Variants in IMMP2L observed in about 807,000 individuals in gnomAD.
IMMP2L encodes the protein mitochondrial inner membrane protease subunit 2.
Under a neutral mutation model 19.3 loss-of-function variants are expected in IMMP2L, and 18 were observed. The ratio of observed to expected loss-of-function variants is 0.93; its 90% CI spans 0.64 to 1.38. The LOEUF (loss-of-function observed/expected upper bound fraction) is 1.38, where lower values mean the gene tolerates loss of function less well. Among genes scored for constraint, IMMP2L ranks in the 40% most tolerant of loss-of-function variants. The pLI, the probability that IMMP2L is intolerant of heterozygous loss-of-function variation, is 0.00. For missense variants in IMMP2L, 233 were observed against 218.2 expected (o/e 1.07, Z -0.43); for synonymous variants, 76 against 73.0 (o/e 1.04, Z -0.21).
intron 5 of IMMP2L, among the ~76,000 whole-genome samples, chr7:110,744,258 T>C (rs1172348058): frequency 6.6e-6 from 1 of 152,164 alleles, no homozygotes; most frequent in Non-Finnish European, 1.5e-5. Context: ...CAGGGACTTA[T>C]AGATATAACC....
chr7:111,337,299 T>G (rs1386099394), intron 3 of IMMP2L, among the ~76,000 whole-genome samples: 1 of 152,154 alleles, frequency 6.6e-6, no homozygotes, highest in Non-Finnish European at 1.5e-5. Context: ...TCTTTTAAAG[T>G]TATTTGAAGA....
intron 3 of IMMP2L, among the ~76,000 whole-genome samples, chr7:111,298,749 ACT>A (rs1304920360): frequency 3.0e-5 from 4 of 134,268 alleles, no homozygotes. Flanking sequence ...ACAGAGCGAG[ACT>A]CTGCCTCAAA....
intron 4 of IMMP2L, among the ~76,000 whole-genome samples, chr7:110,918,122 T>A (rs1308208349): frequency 6.6e-6 from 1 of 152,188 alleles, no homozygotes; most frequent in Non-Finnish European, 1.5e-5. Context: ...GGAATTTCTT[T>A]CCTTTCCTAT....
At chr7:111,114,262 G>A (rs1799579392) in intron 3 of IMMP2L, among the ~76,000 whole-genome samples, 1 of 151,966 alleles carries the variant, frequency 6.6e-6, no homozygotes, top group Non-Finnish European at 1.5e-5. Context: ...AATTTGTACA[G>A]CTCCTAAGGA....
chr7:110,744,055 C>T (rs1308459266), intron 5 of IMMP2L, among the ~76,000 whole-genome samples: 1 of 152,154 alleles, frequency 6.6e-6, no homozygotes, highest in East Asian at 1.9e-4. Flanking sequence ...CGACCTGGGA[C>T]ACCTGAGCTT....
intron 4 of IMMP2L, chr7:110,962,723 T>C (rs995752243): frequency 9.0e-5 from 92 of 1,020,926 alleles, no homozygotes; most frequent in Non-Finnish European, 1.0e-4. Flanking sequence ...CTGACTGAGG[T>C]TCATTTCAGT....
intron 2 of IMMP2L, among the ~76,000 whole-genome samples, chr7:111,493,122 C>G (rs74579724): frequency 0.02 from 3,091 of 152,158 alleles, 109 homozygotes; most frequent in African/African-American, 0.07. Context: ...ATGTATACAT[C>G]TCTTTCAATG....
intron 3 of IMMP2L, among the ~76,000 whole-genome samples, chr7:111,150,165 T>A (rs1586580869): frequency 6.6e-6 from 1 of 152,166 alleles, no homozygotes. Flanking sequence ...GGTTTGACAA[T>A]GTATTGCAAT....
intron 3 of IMMP2L, among the ~76,000 whole-genome samples, chr7:111,086,489 A>G (rs188526632): frequency 1.1e-4 from 16 of 152,230 alleles, no homozygotes; most frequent in Admixed American, 9.8e-4. Context: ...CTATAGGTAA[A>G]TAAGAACCTC....
chr7:110,960,767 C>A (rs1184978527), intron 4 of IMMP2L, among the ~76,000 whole-genome samples: 1 of 151,828 alleles, frequency 6.6e-6, no homozygotes, highest in Non-Finnish European at 1.5e-5. Context: ...CTGACTAAAT[C>A]ATAGCATTAT....
intron 5 of IMMP2L, among the ~76,000 whole-genome samples, chr7:110,776,178 G>A (rs1799374219): frequency 6.6e-6 from 1 of 151,856 alleles, no homozygotes; most frequent in South Asian, 2.1e-4. Context: ...TCCCACTCCA[G>A]GGCAGTTAGC....
At chr7:111,557,104 T>C (rs1381886531) in intron 1 of IMMP2L, among the ~76,000 whole-genome samples, 1 of 152,124 alleles carries the variant, frequency 6.6e-6, no homozygotes, top group Non-Finnish European at 1.5e-5. Context: ...ATCTTACTTT[T>C]CCTAAACATT....
intron 4 of IMMP2L, among the ~76,000 whole-genome samples, chr7:110,945,309 G>C (rs1475615260): frequency 1.3e-5 from 2 of 152,006 alleles, no homozygotes; most frequent in African/African-American, 4.8e-5. Context: ...GAAGTGTGAA[G>C]AATGGATTGG....
rs1370023388 is a variant in IMMP2L at position 110,669,027 on chromosome 7, ATGTGTGTGTGTGTGTGTGTGTGTGCGTG to A, written c.409-5334_409-5307del. On this transcript the variant is annotated intron_variant, in intron 5 of 5. Coordinates refer to ENST00000405709, the MANE Select transcript of IMMP2L (RefSeq NM_032549.4). Reference sequence around the variant, plus strand: ...TCTCCAGAGAAACTGAACCAACAGTATGTGTGTGTGTGTGTGTGTGTGTGCGTGTGTGTGTGTGTGTGTGTGTGTGTGT... The same window carrying A: ...TCTCCAGAGAAACTGAACCAACAGTATGTGTGTGTGTGTGTGTGTGTGTGT... Among the ~76,000 whole-genome samples the A allele has an allele frequency of 7.2e-4, 13 of 17,966 alleles. No individual in the cohort carries two copies. The South Asian group carries it at 0.029, about 40-fold the overall frequency. 11.8% of individuals were successfully genotyped at this position (17,966 alleles called of 152,430 possible).
At chr7:110,810,297 A>G (rs1377321251) in intron 5 of IMMP2L, among the ~76,000 whole-genome samples, 1 of 152,084 alleles carries the variant, frequency 6.6e-6, no homozygotes, top group Non-Finnish European at 1.5e-5. Context: ...CCATTGAGTA[A>G]AAAGACTCTT....
At chr7:110,771,437 G>A (rs1482284212) in intron 5 of IMMP2L, among the ~76,000 whole-genome samples, 1 of 152,140 alleles carries the variant, frequency 6.6e-6, no homozygotes, top group Non-Finnish European at 1.5e-5. Flanking sequence ...TGGAGCTACT[G>A]GAGCAGGGTG....
intron 3 of IMMP2L, among the ~76,000 whole-genome samples, chr7:111,373,496 T>A (rs1830425173): frequency 6.6e-6 from 1 of 152,048 alleles, no homozygotes; most frequent in South Asian, 2.1e-4. Context: ...GCAGTTAGGA[T>A]CCTCTTTCTT....
chr7:111,323,674 A>G (rs1410435465), intron 3 of IMMP2L, among the ~76,000 whole-genome samples: 1 of 152,174 alleles, frequency 6.6e-6, no homozygotes, highest in African/African-American at 2.4e-5. Flanking sequence ...ACATGCTTCT[A>G]TAAAGACACA....
At chr7:111,083,095 T>C (rs1219107871) in intron 3 of IMMP2L, among the ~76,000 whole-genome samples, 1 of 152,196 alleles carries the variant, frequency 6.6e-6, no homozygotes, top group Non-Finnish European at 1.5e-5. Context: ...TATAGTAAAG[T>C]AGTTTCATGT....
Sources: gnomAD v4.1 joint callset for allele counts (sites outside exome capture counted in the v4.1 genomes callset) on GRCh38, gnomAD v4.1.1 for gene constraint, MANE v1.5 for transcripts, NCBI Gene and HGNC (gene_info 2026-07-23, HGNC 2026-07-21) for gene names.